IL1RAPL1: variants seen among roughly 807,000 people sequenced by gnomAD.
IL1RAPL1 encodes the protein interleukin-1 receptor accessory protein-like 1.
A neutral mutation model predicts 48.4 loss-of-function variants in IL1RAPL1; 3 were observed. That is an observed-to-expected ratio of 0.06 (90% CI 0.03 to 0.16). The LOEUF is 0.16. Ranked by LOEUF, IL1RAPL1 falls within the 10% of genes least tolerant of loss-of-function variation. The pLI, the probability that IL1RAPL1 is intolerant of heterozygous loss-of-function variation, is 1.00. For missense variants in IL1RAPL1, 349 were observed against 530.6 expected (o/e 0.66, Z 3.36); for synonymous variants, 185 against 187.7 (o/e 0.99, Z 0.12).
chrX:29,941,285 G>A (rs753964439), intron 8 of IL1RAPL1, among the ~76,000 whole-genome samples: 21 of 111,760 alleles, frequency 1.9e-4, no homozygotes, highest in Admixed American at 1.7e-3. Flanking sequence ...TAGCTTCCGG[G>A]ATCTCCACAA....
At chrX:29,491,629 C>T (rs1000752729) in intron 5 of IL1RAPL1, among the ~76,000 whole-genome samples, 14 of 112,148 alleles carry the variant, frequency 1.2e-4, no homozygotes, top group Non-Finnish European at 3.8e-5. Flanking sequence ...TCTCATCTAG[C>T]AGTATTTAAT....
chrX:29,918,771 A>G (rs1383296997), intron 7 of IL1RAPL1, among the ~76,000 whole-genome samples: 2 of 112,013 alleles, frequency 1.8e-5, no homozygotes, highest in Non-Finnish European at 3.8e-5. Flanking sequence ...TTTTTTGTTC[A>G]ATGTGTTTAC....
chrX:29,637,637 T>A lies in IL1RAPL1; in HGVS notation c.704-30793T>A, dbSNP rs111964649. On this transcript the variant is annotated intron_variant, in intron 5 of 10. Coordinates refer to ENST00000378993, the MANE Select transcript of IL1RAPL1 (RefSeq NM_014271.4). Reference sequence around the variant, plus strand: ...TTGATCTCTTTAAGCCAAACATCTCTGTGTGTCCTCTGTATGCCTCTAACA... The same window carrying A: ...TTGATCTCTTTAAGCCAAACATCTCAGTGTGTCCTCTGTATGCCTCTAACA... Among the ~76,000 whole-genome samples, 625 of 111,725 alleles carry A rather than the reference T, an allele frequency of 5.6e-3. 4 individuals carry two copies. The highest frequency in any genetic ancestry group is 0.019 in the African/African-American group (589 of 30,812).
intron 5 of IL1RAPL1, among the ~76,000 whole-genome samples, chrX:29,535,690 G>T (rs765657919): frequency 4.3e-4 from 48 of 112,119 alleles, no homozygotes; most frequent in African/African-American, 1.5e-3. Context: ...GAGAAAGGAG[G>T]ATCTCGATAA....
chrX:29,279,695 C>T (rs1040900210), intron 2 of IL1RAPL1, among the ~76,000 whole-genome samples: 6 of 111,381 alleles, frequency 5.4e-5, no homozygotes, highest in African/African-American at 1.6e-4. Context: ...TGGCACATGA[C>T]GTTGAACTGT....
intron 2 of IL1RAPL1, among the ~76,000 whole-genome samples, chrX:29,000,857 A>T (rs1228872279): frequency 9.6e-6 from 1 of 104,003 alleles, no homozygotes; most frequent in Non-Finnish European, 2.0e-5. Context: ...CAAAAAGGAG[A>T]CTATTTCTCA....
intron 5 of IL1RAPL1, among the ~76,000 whole-genome samples, chrX:29,491,347 A>G (rs1935157727): frequency 8.9e-6 from 1 of 112,565 alleles, no homozygotes; most frequent in South Asian, 3.6e-4. Context: ...AACATGCAGT[A>G]CCTGATTAAT....
chrX:28,838,650 C>CT (rs932812862), intron 2 of IL1RAPL1, among the ~76,000 whole-genome samples: 8 of 109,268 alleles, frequency 7.3e-5, no homozygotes, highest in Non-Finnish European at 1.2e-4. Context: ...TTTTGTCTTC[C>CT]TTTTTTTTGT....
intron 6 of IL1RAPL1, among the ~76,000 whole-genome samples, chrX:29,860,434 A>G (rs1931556170): frequency 9.0e-6 from 1 of 111,038 alleles, no homozygotes; most frequent in South Asian, 3.9e-4. Context: ...ATAGGTATAC[A>G]CGTGCTGTGG....
chrX:29,883,916 C>G (rs1932080665), intron 6 of IL1RAPL1, among the ~76,000 whole-genome samples: 1 of 112,052 alleles, frequency 8.9e-6, no homozygotes, highest in South Asian at 3.7e-4. Flanking sequence ...GCATTGTACT[C>G]TGCAACTATG....
intron 8 of IL1RAPL1, among the ~76,000 whole-genome samples, chrX:29,921,575 G>A (rs1284088214): frequency 8.9e-6 from 1 of 112,040 alleles, no homozygotes; most frequent in Non-Finnish European, 1.9e-5. Context: ...AGAGATTTTA[G>A]TAGAAATATC....
At chrX:28,863,259 T>C (rs1050308321) in intron 2 of IL1RAPL1, among the ~76,000 whole-genome samples, 1 of 111,076 alleles carries the variant, frequency 9.0e-6, no homozygotes, top group Non-Finnish European at 1.9e-5. Context: ...ATGTTTGGCT[T>C]TGCAGGCCGC....
chrX:28,654,058 C>T (rs1934720337), intron 1 of IL1RAPL1, among the ~76,000 whole-genome samples: 1 of 110,888 alleles, frequency 9.0e-6, no homozygotes, highest in Non-Finnish European at 1.9e-5. Flanking sequence ...GGTTGACTTG[C>T]CAAACGTTAC....
chrX:29,410,286 C>G (rs1229918058), intron 5 of IL1RAPL1, among the ~76,000 whole-genome samples: 1 of 109,627 alleles, frequency 9.1e-6, no homozygotes, highest in African/African-American at 3.3e-5. Flanking sequence ...TGTGGTGAAA[C>G]CCCGTCTCTA....
chrX:29,263,546 C>T (rs895090598), intron 2 of IL1RAPL1, among the ~76,000 whole-genome samples: 2 of 111,991 alleles, frequency 1.8e-5, no homozygotes, highest in African/African-American at 6.5e-5. Flanking sequence ...TAAGTATATC[C>T]AGGCATGCTG....
intron 6 of IL1RAPL1, among the ~76,000 whole-genome samples, chrX:29,842,608 T>C (rs1407136579): frequency 8.9e-6 from 1 of 112,366 alleles, no homozygotes; most frequent in Non-Finnish European, 1.9e-5. Flanking sequence ...GCCTCTGTTG[T>C]GTACTTCATT....
chrX:28,746,074 C>A (rs1569163724), intron 1 of IL1RAPL1, among the ~76,000 whole-genome samples: 2 of 111,109 alleles, frequency 1.8e-5, no homozygotes, highest in East Asian at 5.7e-4. Context: ...ACTTTAAGTT[C>A]TAGGGTACAT....
intron 6 of IL1RAPL1, among the ~76,000 whole-genome samples, chrX:29,684,749 C>G (rs1260642588): frequency 9.0e-6 from 1 of 111,707 alleles, no homozygotes; most frequent in Non-Finnish European, 1.9e-5. Context: ...GTCTCGAGAG[C>G]TGCAAAAGTT....
At chrX:29,017,205 G>A (rs1200992283) in intron 2 of IL1RAPL1, among the ~76,000 whole-genome samples, 1 of 112,187 alleles carries the variant, frequency 8.9e-6, no homozygotes, top group Non-Finnish European at 1.9e-5. Context: ...GAAAAAGCAT[G>A]GAAGGAACAT....
Sources: gnomAD v4.1 joint callset for allele counts (sites outside exome capture counted in the v4.1 genomes callset) on GRCh38, gnomAD v4.1.1 for gene constraint, MANE v1.5 for transcripts, NCBI Gene and HGNC (gene_info 2026-07-23, HGNC 2026-07-21) for gene names.